NEGR1: variants seen among roughly 807,000 people sequenced by gnomAD.
NEGR1 encodes IgLON family member 4.
In NEGR1, 10 loss-of-function variants were observed where a neutral mutation model predicts 40.9. The ratio of observed to expected loss-of-function variants is 0.24; its 90% confidence interval spans 0.15 to 0.42. The LOEUF is 0.42. Ranked by LOEUF, NEGR1 falls within the 10% of genes least tolerant of loss-of-function variation. The pLI, the probability that NEGR1 is intolerant of heterozygous loss-of-function variation, is 1.00. For missense variants in NEGR1, 352 were observed against 438.9 expected (o/e 0.80, Z 1.77); for synonymous variants, 185 against 166.8 (o/e 1.11, Z -0.84).
At chr1:71,663,564 G>T (rs1472562324) in intron 4 of NEGR1, among the ~76,000 whole-genome samples, 1 of 152,118 alleles carries the variant, frequency 6.6e-6, no homozygotes, top group African/African-American at 2.4e-5. Flanking sequence ...GAATCCCATT[G>T]AATTATTTTT....
chr1:71,777,910 C>G (rs1656567456), intron 2 of NEGR1, among the ~76,000 whole-genome samples: 1 of 152,006 alleles, frequency 6.6e-6, no homozygotes, highest in South Asian at 2.1e-4. Flanking sequence ...TCATCAAACT[C>G]TTCAGTGAGC....
chr1:72,161,898 C>T (rs2100376553), intron 1 of NEGR1, among the ~76,000 whole-genome samples: 1 of 151,356 alleles, frequency 6.6e-6, no homozygotes, highest in South Asian at 2.1e-4. Flanking sequence ...ACTGTGTTGG[C>T]CAAGCTGATC....
At chr1:71,667,518 C>G (rs1366562574) in intron 4 of NEGR1, among the ~76,000 whole-genome samples, 5 of 152,130 alleles carry the variant, frequency 3.3e-5, no homozygotes, top group Non-Finnish European at 7.4e-5. Flanking sequence ...ATTCTACACC[C>G]TGGTGTCTGG....
chr1:71,734,923 C>T (rs1308411051), intron 3 of NEGR1, among the ~76,000 whole-genome samples: 1 of 151,576 alleles, frequency 6.6e-6, no homozygotes, highest in Non-Finnish European at 1.5e-5. Flanking sequence ...TTTTTCCCCT[C>T]CATTTCCATT....
At chr1:72,238,900 T>A (rs1368238965) in intron 1 of NEGR1, among the ~76,000 whole-genome samples, 1 of 151,870 alleles carries the variant, frequency 6.6e-6, no homozygotes, top group Non-Finnish European at 1.5e-5. Context: ...TCAATGTGCC[T>A]CATACCAGGG....
At chr1:72,050,472 T>C (rs1017965624) in intron 1 of NEGR1, among the ~76,000 whole-genome samples, 2 of 151,580 alleles carry the variant, frequency 1.3e-5, no homozygotes, top group Non-Finnish European at 3.0e-5. Flanking sequence ...AGCCGACTTA[T>C]TAAAATACCT....
intron 1 of NEGR1, among the ~76,000 whole-genome samples, chr1:72,103,151 G>A (rs907973128): frequency 6.6e-6 from 1 of 152,008 alleles, no homozygotes; most frequent in Non-Finnish European, 1.5e-5. Context: ...TGCTACAGGT[G>A]AAATAAAGTT....
intron 3 of NEGR1, among the ~76,000 whole-genome samples, chr1:71,733,103 C>G (rs1273671239): frequency 1.3e-5 from 2 of 148,544 alleles, no homozygotes; most frequent in African/African-American, 5.0e-5. Context: ...AGATCATCTA[C>G]TGGAATTATT....
chr1:72,170,272 C>T (rs1651914264), intron 1 of NEGR1, among the ~76,000 whole-genome samples: 1 of 152,142 alleles, frequency 6.6e-6, no homozygotes. Flanking sequence ...CCTTAAATAT[C>T]ACTTTTTCAA....
intron 4 of NEGR1, among the ~76,000 whole-genome samples, chr1:71,649,196 T>C (rs926483004): frequency 1.3e-5 from 2 of 152,136 alleles, no homozygotes; most frequent in African/African-American, 4.8e-5. Context: ...AATGATAATA[T>C]GCAGTACTAG....
intron 1 of NEGR1, among the ~76,000 whole-genome samples, chr1:72,036,655 C>CAAA (rs71723530): frequency 9.3e-6 from 1 of 107,956 alleles, no homozygotes; most frequent in African/African-American, 3.3e-5. Flanking sequence ...GACTCCATCT[C>CAAA]AAAAAAAAAA....
At chr1:71,444,972 A>G (rs1325946709) in intron 6 of NEGR1, among the ~76,000 whole-genome samples, 1 of 152,186 alleles carries the variant, frequency 6.6e-6, no homozygotes, top group Non-Finnish European at 1.5e-5. Flanking sequence ...ATATAAATGG[A>G]CATAATCTCT....
intron 5 of NEGR1, among the ~76,000 whole-genome samples, chr1:71,599,252 T>C (rs766594621): frequency 9.8e-5 from 15 of 152,336 alleles, no homozygotes; most frequent in Admixed American, 2.0e-4. Context: ...CTAGAACAGA[T>C]ACATTTCCTC....
At chr1:72,260,335 GA>G (rs2100544333) in intron 1 of NEGR1, among the ~76,000 whole-genome samples, 1 of 152,084 alleles carries the variant, frequency 6.6e-6, no homozygotes, top group Admixed American at 6.5e-5. Flanking sequence ...TTTTACAAAG[GA>G]TATTTCTGAA....
chr1:71,733,735 C>T (rs945099136), intron 3 of NEGR1, among the ~76,000 whole-genome samples: 7 of 152,088 alleles, frequency 4.6e-5, no homozygotes, highest in Non-Finnish European at 7.4e-5. Context: ...TTTGTTAAAA[C>T]AGCAAAATAT....
chr1:71,612,903 A>G (rs972116936), intron 4 of NEGR1, among the ~76,000 whole-genome samples: 2 of 152,204 alleles, frequency 1.3e-5, no homozygotes, highest in South Asian at 2.1e-4. Context: ...AGATAGGACC[A>G]ATTTTCAGTG....
At chr1:71,881,607 T>A (rs914675087) in intron 2 of NEGR1, among the ~76,000 whole-genome samples, 2 of 152,100 alleles carry the variant, frequency 1.3e-5, no homozygotes, top group Non-Finnish European at 2.9e-5. Flanking sequence ...TTGCTCAATT[T>A]GTTTTCATTT....
At chr1:72,196,153 C>G (rs1557573234) in intron 1 of NEGR1, among the ~76,000 whole-genome samples, 1 of 151,940 alleles carries the variant, frequency 6.6e-6, no homozygotes, top group African/African-American at 2.4e-5. Context: ...TCTGAAAAGC[C>G]AAAATCTGAA....
chr1:71,704,722 C>T (rs1653827344), intron 3 of NEGR1, among the ~76,000 whole-genome samples: 1 of 151,700 alleles, frequency 6.6e-6, no homozygotes, highest in African/African-American at 2.4e-5. Context: ...TAATACCAAA[C>T]CTACACAAAT....
Sources: allele counts gnomAD v4.1 joint callset (sites outside exome capture counted in the v4.1 genomes callset), GRCh38; gene constraint gnomAD v4.1.1; transcripts MANE v1.5; gene names NCBI Gene and HGNC (gene_info 2026-07-23, HGNC 2026-07-21).